Variants in POLD3 observed in about 807,000 individuals in gnomAD.
POLD3 encodes the protein DNA polymerase delta 3, accessory subunit, also known as DNA polymerase delta subunit 3.
In POLD3, 19 loss-of-function variants were observed where a neutral mutation model predicts 58.2. The ratio of observed to expected loss-of-function variants is 0.33; its 90% CI spans 0.23 to 0.48. The LOEUF (loss-of-function observed/expected upper bound fraction) is 0.48, where lower values mean the gene tolerates loss of function less well. POLD3 is among the 20% of genes least tolerant of loss of function. POLD3 has a pLI of 0.99. For missense variants in POLD3, 504 were observed against 545.5 expected (o/e 0.92, Z 0.76); for synonymous variants, 172 against 193.5 (o/e 0.89, Z 0.92).
Position 74,642,480 on chromosome 11 carries a change from C to A in POLD3, c.*1714C>A, listed in dbSNP as rs1198053417. 1.0e-6 allele frequency: 1 copy of A among 984,992 alleles called. No individual in the cohort carries two copies. Among genetic ancestry groups the A allele is most frequent in the Admixed American group, 6.1e-5 (1 of 16,262 alleles). The allele number at this position is 984,992 out of a possible 1,614,324, so 61.0% of individuals were successfully genotyped here. A position where few individuals can be genotyped will look rare whatever the true frequency, so the allele number is the denominator to read the frequency against. ...ATTAAAAGAAAAGCAACAATCCAATCTTTTTTCTAAAAATTATGCTGGGGT... is the reference window on the plus strand; with the variant it reads ...ATTAAAAGAAAAGCAACAATCCAATATTTTTTCTAAAAATTATGCTGGGGT... On this transcript the variant is annotated 3_prime_UTR_variant, in exon 12 of 12. Coordinates refer to ENST00000263681, the MANE Select transcript of POLD3 (RefSeq NM_006591.3).
At chr11:74,612,057 T>C (rs1376300592) in intron 4 of POLD3, among the ~76,000 whole-genome samples, 1 of 152,354 alleles carries the variant, frequency 6.6e-6, no homozygotes, top group Non-Finnish European at 1.5e-5. Context: ...ACTGTTGTAC[T>C]TTGTATATAA....
intron 3 of POLD3, among the ~76,000 whole-genome samples, chr11:74,605,449 C>A (rs1320904334): frequency 6.6e-6 from 1 of 152,164 alleles, no homozygotes; most frequent in Non-Finnish European, 1.5e-5. Context: ...TACTCCCATG[C>A]CTTGGTGGCT....
intron 3 of POLD3, among the ~76,000 whole-genome samples, chr11:74,605,111 CA>C (rs1328899978): frequency 2.6e-5 from 4 of 152,108 alleles, no homozygotes; most frequent in Non-Finnish European, 5.9e-5. Context: ...TCCACCTGTT[CA>C]AATTTCAAAC....
rs142134541 is a variant in POLD3 at position 74,604,750 on chromosome 11, G to A, written c.175G>A (p.Val59Ile). The change falls in exon 3 of 12, where the codon GTT (valine) becomes ATT (isoleucine). Residue 59 changes from valine (V) to isoleucine (I), a missense_variant. Val to Ile is a conservative substitution (Grantham distance 29). Transcript: ENST00000263681. ...RKENSGAQLH[V>I]TYLVSGSLIQ... Reference sequence around the variant, plus strand: ...AGAAAATTCAGGAGCCCAACTGCATGTTACCTACTTGGTGTCTGGCAGTCT... The same window carrying A: ...AGAAAATTCAGGAGCCCAACTGCATATTACCTACTTGGTGTCTGGCAGTCT... 1.2e-6 allele frequency: 2 copies of A among 1,610,858 alleles called. No homozygotes were observed. Among genetic ancestry groups the A allele is most frequent in the Non-Finnish European group, 1.7e-6 (2 of 1,177,152 alleles).
Position 74,634,573 on chromosome 11 carries a change from A to C in POLD3, c.1007-10A>C, listed in dbSNP as rs761878069. On this transcript the variant is annotated splice_polypyrimidine_tract_variant and intron_variant, in intron 9 of 11. Coordinates refer to ENST00000263681, the MANE Select transcript of POLD3 (RefSeq NM_006591.3). ...TAGTTCTCTGATCTAAGTCCGTTTC[A>C]TTATTTCAGTCTTTCCAGACTCTCC... is the stretch of plus-strand genomic sequence containing the variant. 8.9e-6 allele frequency: 13 copies of C among 1,464,686 alleles called. No homozygotes were observed. The East Asian group carries it at 2.7e-4, about 31-fold the overall frequency. The allele number at this position is 1,464,686 out of a possible 1,614,324, so 90.7% of individuals were successfully genotyped here.
At chr11:74,623,110 G>C (rs2032316287) in intron 7 of POLD3, among the ~76,000 whole-genome samples, 1 of 152,230 alleles carries the variant, frequency 6.6e-6, no homozygotes, top group African/African-American at 2.4e-5. Flanking sequence ...TCATTTATAT[G>C]AAACGTCCAG....
At chr11:74,640,462 T>G in intron 11 of POLD3, 102 bp from the exon 12 acceptor site, 1 of 1,375,138 alleles carries the variant, frequency 7.3e-7, no homozygotes, top group Non-Finnish European at 9.6e-7. Context: ...ATATTTGCCT[T>G]GATCAGAGTC....
At chr11:74,598,485 T>A (rs1320363201) in intron 2 of POLD3, among the ~76,000 whole-genome samples, 1 of 152,214 alleles carries the variant, frequency 6.6e-6, no homozygotes, top group African/African-American at 2.4e-5. Context: ...GGAAACATCA[T>A]TTTATTATGC....
intron 1 of POLD3, among the ~76,000 whole-genome samples, chr11:74,593,484 A>T (rs758190378): frequency 6.6e-6 from 1 of 152,214 alleles, no homozygotes; most frequent in African/African-American, 2.4e-5. Context: ...GAAGCTTGAC[A>T]TTTGGAATTG....
chr11:74,609,372 A>ATATATTTTT (rs2031821525), intron 3 of POLD3, among the ~76,000 whole-genome samples: 3 of 27,196 alleles, frequency 1.1e-4, no homozygotes, highest in African/African-American at 5.6e-4. Flanking sequence ...ATATATATAT[A>ATATATTTTT]TTTTTTTTTT....
chr11:74,593,953 T>TAA (rs2031129025), intron 1 of POLD3, 108 bp from the exon 2 acceptor site: 13 of 648,546 alleles, frequency 2.0e-5, no homozygotes, highest in South Asian at 9.6e-5. Context: ...TTGTAATTTG[T>TAA]AAGGCATAAT....
intron 7 of POLD3, among the ~76,000 whole-genome samples, chr11:74,620,917 G>C (rs1247519577): frequency 7.4e-6 from 1 of 134,408 alleles, no homozygotes; most frequent in African/African-American, 3.1e-5. Flanking sequence ...GGGAGGGATT[G>C]AAGTGACTTT....
At chr11:74,596,046 T>A (rs1396957253) in intron 2 of POLD3, among the ~76,000 whole-genome samples, 1 of 127,586 alleles carries the variant, frequency 7.8e-6, no homozygotes, top group African/African-American at 3.0e-5. Flanking sequence ...TTTTTTTTTT[T>A]AGTAGAGATG....
intron 5 of POLD3, among the ~76,000 whole-genome samples, chr11:74,614,803 T>C (rs2032032858): frequency 6.6e-6 from 1 of 151,680 alleles, no homozygotes; most frequent in African/African-American, 2.4e-5. Flanking sequence ...TATTGAAAGG[T>C]TGATACCCAT....
intron 5 of POLD3, among the ~76,000 whole-genome samples, chr11:74,616,404 A>C (rs977529579): frequency 1.3e-5 from 2 of 152,204 alleles, no homozygotes; most frequent in African/African-American, 4.8e-5. Context: ...TTGAGCAGAG[A>C]TCTCTTGTCA....
At position 74,655,318 on chromosome 11, in the gene POLD3, C is replaced by T. The variant is rs117443825; in HGVS notation, c.370-13459C>T. Among the ~76,000 whole-genome samples, 417 of 152,332 alleles carry T rather than the reference C, an allele frequency of 2.7e-3. 1 individual carries two copies. The highest frequency in any genetic ancestry group is 8.7e-3 in the South Asian group (42 of 4,828). The stretch of plus-strand genomic sequence containing the variant: ...AACAAACGAGAGAGATCAATGGTCC[C>T]GCACCACAGACTCTATAGATTTAGT... On this transcript the variant is annotated intron_variant, in intron 4 of 4. Coordinates refer to the POLD3 transcript ENST00000524752.
At chr11:74,659,382 C>T (rs2033178173) in intron 4 of POLD3, among the ~76,000 whole-genome samples, 1 of 152,064 alleles carries the variant, frequency 6.6e-6, no homozygotes, top group Admixed American at 6.5e-5. Context: ...TCTGACATGA[C>T]CTAGAGACAT....
Position 74,625,535 on chromosome 11 carries a change from A to G in POLD3, c.861A>G (p.Lys287=). The G allele has an allele frequency of 6.2e-7, 1 of 1,613,624 alleles. No homozygotes were observed. Among genetic ancestry groups the G allele is most frequent in the Non-Finnish European group, 8.5e-7 (1 of 1,179,850 alleles). The part of the protein sequence containing the change: ...TPAGLKKSSK[K]AEPVKVLQKE... The stretch of plus-strand genomic sequence containing the variant: ...CAGGCCTGAAAAAATCCAGCAAAAA[A>G]GCAGAGCCTGTTAAGGTGCTGCAGA... Residue 287 remains lysine, a synonymous_variant, in exon 8 of 12, where the codon AAA becomes AAG. Transcript: ENST00000263681.
chr11:74,605,321 C>G (rs540556338), intron 3 of POLD3, among the ~76,000 whole-genome samples: 1 of 152,276 alleles, frequency 6.6e-6, no homozygotes, highest in Admixed American at 6.5e-5. Context: ...ATCTGGTCAT[C>G]TGGCAACACA....
Sources: gnomAD v4.1 joint callset for allele counts (sites outside exome capture counted in the v4.1 genomes callset) on GRCh38, gnomAD v4.1.1 for gene constraint, MANE v1.5 for transcripts, NCBI Gene and HGNC (gene_info 2026-07-23, HGNC 2026-07-21) for gene names.